IKZF1: variants seen among roughly 807,000 people sequenced by gnomAD.
IKZF1 encodes IKAROS family zinc finger 1, also known as DNA-binding protein Ikaros.
In IKZF1, 10 loss-of-function variants were observed where a neutral mutation model predicts 51.7. The observed-to-expected ratio is 0.19, with a 90% CI of 0.12 to 0.33. IKZF1 has a LOEUF of 0.33. Ranked by LOEUF, IKZF1 falls within the 10% of genes least tolerant of loss-of-function variation. The pLI, the probability that IKZF1 is intolerant of heterozygous loss-of-function variation, is 1.00. For missense variants in IKZF1, 484 were observed against 707.5 expected (o/e 0.68, Z 3.58); for synonymous variants, 280 against 282.3 (o/e 0.99, Z 0.08).
chr7:50,382,333 G>A (rs1812064460), intron 4 of IKZF1, among the ~76,000 whole-genome samples: 4 of 152,030 alleles, frequency 2.6e-5, no homozygotes, highest in Admixed American at 2.6e-4. Flanking sequence ...TCTGATTTAG[G>A]GAAAAAAAAT....
At chr7:50,310,277 A>C (rs1391148021) in intron 1 of IKZF1, among the ~76,000 whole-genome samples, 1 of 152,250 alleles carries the variant, frequency 6.6e-6, no homozygotes, top group Non-Finnish European at 1.5e-5. Flanking sequence ...TTTGTTAAAG[A>C]AATGAAATTT....
chr7:50,363,371 C>G (rs927605145), intron 3 of IKZF1, among the ~76,000 whole-genome samples: 1 of 152,060 alleles, frequency 6.6e-6, no homozygotes, highest in Non-Finnish European at 1.5e-5. Context: ...ATGGTGTGAC[C>G]CTTGACATCT....
intron 4 of IKZF1, among the ~76,000 whole-genome samples, chr7:50,379,739 C>A (rs1190750183): frequency 6.6e-6 from 1 of 152,206 alleles, no homozygotes; most frequent in East Asian, 1.9e-4. Context: ...CTGCTCCTCC[C>A]AGGTATGATT....
At chr7:50,387,585 G>A in intron 6 of IKZF1, 115 bp downstream of exon 6, 1 of 1,381,774 alleles carries the variant, frequency 7.2e-7, no homozygotes, top group South Asian at 1.7e-5. Flanking sequence ...TTCCTGCCGG[G>A]GCTAGGAGGG....
intron 2 of IKZF1, among the ~76,000 whole-genome samples, chr7:50,321,497 A>G (rs1424839896): frequency 6.6e-6 from 1 of 152,228 alleles, no homozygotes; most frequent in African/African-American, 2.4e-5. Context: ...AAACCCAAGC[A>G]TGTTAAAAAT....
intron 3 of IKZF1, among the ~76,000 whole-genome samples, chr7:50,346,232 C>T (rs1207664149): frequency 2.0e-5 from 3 of 152,130 alleles, no homozygotes; most frequent in Admixed American, 1.3e-4. Context: ...GGAAGGCTGT[C>T]GAGAGATCAT....
At chr7:50,314,614 T>C (rs1196274740) in intron 1 of IKZF1, among the ~76,000 whole-genome samples, 1 of 152,242 alleles carries the variant, frequency 6.6e-6, no homozygotes, top group Non-Finnish European at 1.5e-5. Flanking sequence ...TTTTACTTCA[T>C]TTGTCTAGAC....
chr7:50,383,542 G>T (rs1812463852), intron 5 of IKZF1, among the ~76,000 whole-genome samples: 1 of 152,210 alleles, frequency 6.6e-6, no homozygotes, highest in Non-Finnish European at 1.5e-5. Context: ...CTACAGTGTG[G>T]TCTATACAAC....
intron 7 of IKZF1, among the ~76,000 whole-genome samples, chr7:50,398,220 C>T (rs1393992298): frequency 6.6e-6 from 1 of 152,228 alleles, no homozygotes; most frequent in East Asian, 1.9e-4. Context: ...TTATCCCTCA[C>T]TTTTGCCCCT....
chr7:50,368,044 A>G, intron 3 of IKZF1: 1 of 702,498 alleles, frequency 1.4e-6, no homozygotes. Context: ...TTTCCATGCA[A>G]TAATTCCCAA....
At chr7:50,312,298 C>T (rs1790376392) in intron 1 of IKZF1, among the ~76,000 whole-genome samples, 1 of 152,154 alleles carries the variant, frequency 6.6e-6, no homozygotes, top group Admixed American at 6.5e-5. Flanking sequence ...GCTCAATAAA[C>T]AGCAGTATTA....
At chr7:50,375,266 C>CA (rs112338460) in intron 3 of IKZF1, among the ~76,000 whole-genome samples, 37 of 150,472 alleles carry the variant, frequency 2.5e-4, no homozygotes, top group Middle Eastern at 3.4e-3. Flanking sequence ...CAAAAAACAC[C>CA]AAAAAAAAAT....
chr7:50,352,110 G>A (rs1395570102), intron 3 of IKZF1, among the ~76,000 whole-genome samples: 1 of 152,216 alleles, frequency 6.6e-6, no homozygotes, highest in Non-Finnish European at 1.5e-5. Context: ...GACTTCTACA[G>A]TTTCCACAAC....
chr7:50,374,923 T>C (rs1419626581), intron 3 of IKZF1, among the ~76,000 whole-genome samples: 2 of 152,120 alleles, frequency 1.3e-5, no homozygotes, highest in Admixed American at 1.3e-4. Context: ...AAGTTGGTTA[T>C]TTAAGACAGT....
In IKZF1 at chr7:50,376,333, G is replaced by A. The variant is rs1280648392; in HGVS notation, c.161-200G>A. 6.6e-6 allele frequency among the ~76,000 whole-genome samples: 1 copy of A among 152,156 alleles called. No individual in the cohort carries two copies. Among genetic ancestry groups the A allele is most frequent in the African/African-American group, 2.4e-5 (1 of 41,426 alleles). ...CTGGCAGATCTCCCTGTAACCCCAG[G>A]TGCATCCCGAGGCCTGCCACCGAAG... On this transcript the variant is annotated intron_variant, in intron 3 of 7. Transcript: ENST00000331340. This position sits in a 1 kb window ranked among gnomAD's most constrained non-coding sequence, Gnocchi z 4.5.
At chr7:50,306,036 G>T in intron 1 of IKZF1, among the ~76,000 whole-genome samples, 1 of 152,124 alleles carries the variant, frequency 6.6e-6, no homozygotes, top group East Asian at 1.9e-4. Flanking sequence ...AACAATTTCA[G>T]TATTATTTAT....
At chr7:50,393,376 CAG>C (rs1265757488) in intron 7 of IKZF1, among the ~76,000 whole-genome samples, 2 of 152,078 alleles carry the variant, frequency 1.3e-5, no homozygotes, top group Non-Finnish European at 2.9e-5. Context: ...GGGGCCAGAA[CAG>C]GGGCTGGTGA....
rs1818665969 is a variant in IKZF1 at position 50,404,472 on chromosome 7, A to C, written c.*3845A>C. 1 of 229,690 alleles carries C rather than the reference A, an allele frequency of 4.4e-6. No homozygotes were observed. Among genetic ancestry groups the C allele is most frequent in the Non-Finnish European group, 8.6e-6 (1 of 115,812 alleles). 14.2% of individuals were successfully genotyped at this position (229,690 alleles called of 1,614,324 possible). On this transcript the variant is annotated 3_prime_UTR_variant, in exon 8 of 8. Transcript: ENST00000331340. Reference sequence around the variant, plus strand: ...TATCCCGTGAAGTCCACACTGGCGTAAGAGAAGGCCCAGCAGAGCAGGAAT... The same window carrying C: ...TATCCCGTGAAGTCCACACTGGCGTCAGAGAAGGCCCAGCAGAGCAGGAAT...
intron 1 of IKZF1, among the ~76,000 whole-genome samples, chr7:50,317,899 G>A (rs1227855596): frequency 6.6e-6 from 1 of 152,216 alleles, no homozygotes; most frequent in African/African-American, 2.4e-5. Context: ...CCACAGCTCA[G>A]ATCCACACAT....
Sources: gnomAD v4.1 joint callset for allele counts (sites outside exome capture counted in the v4.1 genomes callset) on GRCh38, gnomAD v4.1.1 for gene constraint, Gnocchi (gnomAD v3.1) non-coding constraint, MANE v1.5 for transcripts, NCBI Gene and HGNC (gene_info 2026-07-23, HGNC 2026-07-21) for gene names.